The following POU3F3 variants were observed in gnomAD, a reference collection of about 807,000 sequenced individuals.
POU3F3 encodes the protein POU class 3 homeobox 3, also known as POU domain, class 3, transcription factor 3.
In POU3F3, 1 loss-of-function variant was observed where a neutral mutation model predicts 8.6. The observed-to-expected ratio is 0.12, with a 90% confidence interval of 0.04 to 0.55. POU3F3 has a LOEUF of 0.55. Ranked by LOEUF, POU3F3 falls within the 20% of genes least tolerant of loss-of-function variation. The pLI is 0.91. For synonymous variants in POU3F3, 418 were observed against 327.4 expected (o/e 1.28, Z -2.99); for missense variants, 577 against 690.7 (o/e 0.84, Z 1.84).
At chr2:104,866,705 T>G in the POU3F3 span, 10 of 152,352 alleles carry the variant, frequency 6.6e-5, no homozygotes, top group African/African-American at 2.4e-4. Flanking sequence ...GAAGACCAGT[T>G]AAATAGGAAG....
chr2:104,897,658 T>A, the POU3F3 span, among the ~76,000 whole-genome samples: 1 of 152,206 alleles, frequency 6.6e-6, no homozygotes, highest in Non-Finnish European at 1.5e-5. Flanking sequence ...GAATCATCAG[T>A]GCTGGAAAGG....
the POU3F3 span, among the ~76,000 whole-genome samples, chr2:104,910,686 A>C: frequency 6.6e-6 from 1 of 152,180 alleles, no homozygotes; most frequent in African/African-American, 2.4e-5. Context: ...AGCTCTCCAA[A>C]TGGAAGAATG....
chr2:104,909,418 C>G, the POU3F3 span, among the ~76,000 whole-genome samples: 1 of 152,266 alleles, frequency 6.6e-6, no homozygotes, highest in African/African-American at 2.4e-5. Flanking sequence ...TTAACGCCAG[C>G]CAAGAGATGT....
At chr2:104,914,817 G>A in the POU3F3 span, among the ~76,000 whole-genome samples, 84 of 152,286 alleles carry the variant, frequency 5.5e-4, no homozygotes, top group Non-Finnish European at 7.6e-4. Flanking sequence ...GATCTGACCC[G>A]GACAGTAGGT....
downstream of POU3F3, among the ~76,000 whole-genome samples, chr2:104,859,347 T>C (rs1446381773): frequency 6.6e-6 from 1 of 152,198 alleles, no homozygotes; most frequent in Non-Finnish European, 1.5e-5. Flanking sequence ...ATTGATCAAG[T>C]TAATGTTTCA....
the POU3F3 span, among the ~76,000 whole-genome samples, chr2:104,879,080 T>C: frequency 6.6e-6 from 1 of 151,166 alleles, no homozygotes; most frequent in African/African-American, 2.4e-5. Flanking sequence ...CAGCACACAC[T>C]ATACACACAC....
chr2:104,909,329 A>C, the POU3F3 span, among the ~76,000 whole-genome samples: 1 of 152,206 alleles, frequency 6.6e-6, no homozygotes, highest in Non-Finnish European at 1.5e-5. Context: ...GGAGGATCCC[A>C]AGAATCTGGA....
the POU3F3 span, among the ~76,000 whole-genome samples, chr2:104,895,428 G>A: frequency 1.3e-5 from 2 of 152,106 alleles, no homozygotes; most frequent in South Asian, 4.2e-4. Flanking sequence ...TTTTAGGAGG[G>A]GCCTTATCAG....
chr2:104,885,862 A>G, the POU3F3 span, among the ~76,000 whole-genome samples: 1 of 151,996 alleles, frequency 6.6e-6, no homozygotes, highest in African/African-American at 2.4e-5. Flanking sequence ...TGATGGCGTA[A>G]TCTCGGCTCA....
the POU3F3 span, among the ~76,000 whole-genome samples, chr2:104,884,298 A>C: frequency 6.6e-6 from 1 of 152,166 alleles, no homozygotes; most frequent in Non-Finnish European, 1.5e-5. Flanking sequence ...TGCACCCAGC[A>C]GCAGAGGATG....
the POU3F3 span, among the ~76,000 whole-genome samples, chr2:104,913,880 GA>G: frequency 4.9e-3 from 731 of 148,494 alleles, 4 homozygotes; most frequent in African/African-American, 0.016. Flanking sequence ...TCATTAAAAC[GA>G]AAAAAAAAAT....
At position 104,854,750 on chromosome 2, in the gene POU3F3, C is replaced by T. The variant is rs1470977374; in HGVS notation, c.-761C>T. Reference sequence around the variant, plus strand: ...GGGGGAGAGCAGGAGCCAGCCTCCCCTCTCCGCACTCGCGAGCAGCCAGCA... The same window carrying T: ...GGGGGAGAGCAGGAGCCAGCCTCCCTTCTCCGCACTCGCGAGCAGCCAGCA... On this transcript the variant is annotated 5_prime_UTR_variant, in exon 1 of 1. Coordinates refer to ENST00000361360, the MANE Select transcript of POU3F3 (RefSeq NM_006236.3). The surrounding 1 kb of genome is among the most constrained non-coding windows in gnomAD (Gnocchi z 4.5). 6.6e-6 allele frequency among the ~76,000 whole-genome samples: 1 copy of T among 152,108 alleles called. No homozygotes were observed. Among genetic ancestry groups the T allele is most frequent in the African/African-American group, 2.4e-5 (1 of 41,430 alleles).
the POU3F3 span, among the ~76,000 whole-genome samples, chr2:104,922,203 CG>C: frequency 6.6e-6 from 1 of 151,474 alleles, no homozygotes; most frequent in Non-Finnish European, 1.5e-5. Context: ...ATCTGATTAC[CG>C]GAGTTACTAC....
the POU3F3 span, among the ~76,000 whole-genome samples, chr2:104,900,012 T>A: frequency 6.6e-6 from 1 of 152,180 alleles, no homozygotes; most frequent in Non-Finnish European, 1.5e-5. Context: ...ATCACAAGAA[T>A]CACAAGATGC....
At chr2:104,907,048 A>G in the POU3F3 span, among the ~76,000 whole-genome samples, 5 of 152,116 alleles carry the variant, frequency 3.3e-5, no homozygotes, top group African/African-American at 4.8e-5. Flanking sequence ...GGCATATTGC[A>G]CGCGAAAAAA....
Position 104,857,626 on chromosome 2 carries a change from GA to G in POU3F3, c.*614del, listed in dbSNP as rs1388056358. 1 of 153,722 alleles carries G rather than the reference GA, an allele frequency of 6.5e-6. No homozygotes were observed. Among genetic ancestry groups the G allele is most frequent in the African/African-American group, 2.4e-5 (1 of 41,432 alleles). The allele number at this position is 153,722 out of a possible 1,614,324, so 9.5% of individuals were successfully genotyped here. Reference sequence around the variant, plus strand: ...AAACTTTATTTCCTGGGAGCGACCTGAGAGAAAACAGAGGCACCAGGTTCCA... The same window carrying G: ...AAACTTTATTTCCTGGGAGCGACCTGGAGAAAACAGAGGCACCAGGTTCCA... On this transcript the variant is annotated 3_prime_UTR_variant, in exon 1 of 1. Coordinates refer to ENST00000361360, the MANE Select transcript of POU3F3 (RefSeq NM_006236.3).
chr2:104,885,582 AC>A, the POU3F3 span, among the ~76,000 whole-genome samples: 1 of 152,124 alleles, frequency 6.6e-6, no homozygotes, highest in Non-Finnish European at 1.5e-5. Flanking sequence ...TCCCACCAGC[AC>A]CATGACAATT....
chr2:104,880,743 G>C, the POU3F3 span, among the ~76,000 whole-genome samples: 1 of 152,142 alleles, frequency 6.6e-6, no homozygotes, highest in Non-Finnish European at 1.5e-5. Context: ...TGGGAGTTCT[G>C]TGCTGTCCCT....
chr2:104,861,571 C>T (rs1265972362), downstream of POU3F3, among the ~76,000 whole-genome samples: 1 of 151,954 alleles, frequency 6.6e-6, no homozygotes, highest in Admixed American at 6.6e-5. Flanking sequence ...TTATCAGTGA[C>T]CCAGAAACAA....
Sources: gnomAD v4.1 joint callset for allele counts (sites outside exome capture counted in the v4.1 genomes callset) on GRCh38, gnomAD v4.1.1 for gene constraint, Gnocchi (gnomAD v3.1) non-coding constraint, MANE v1.5 for transcripts, NCBI Gene and HGNC (gene_info 2026-07-23, HGNC 2026-07-21) for gene names.